The following TSBP1 variants were observed in gnomAD, a reference collection of about 807,000 sequenced individuals.
TSBP1 encodes testis expressed basic protein 1.
In TSBP1, 56 loss-of-function variants were observed where a neutral mutation model predicts 68.8. The observed-to-expected ratio is 0.81, with a 90% confidence interval of 0.66 to 1.02. The LOEUF is 1.02. TSBP1 is among the 50% of genes least tolerant of loss of function. TSBP1 has a pLI of 0.00. For missense variants in TSBP1, 502 were observed against 641.2 expected, an observed-to-expected ratio of 0.78 and a Z score of 2.34; for synonymous variants, 171 against 208.7, an observed-to-expected ratio of 0.82 and a Z score of 1.56.
In TSBP1 at chr6:32,306,545, G is replaced by A. The variant is rs1005310420; in HGVS notation, c.581-3916C>T. Among the ~76,000 whole-genome samples, 2 of 152,168 alleles carry A rather than the reference G, an allele frequency of 1.3e-5. No homozygotes were observed. The highest frequency in any genetic ancestry group is 2.9e-5 in the Non-Finnish European group (2 of 68,036). ...ATGTCTGGCTTTTCAGCTGCAAGCA[G>A]CCAAACCTGGGTTTGGTTACTTACA... On this transcript the variant is annotated intron_variant, in intron 19 of 22. Transcript: ENST00000612031. The surrounding 1 kb of genome is among the most constrained non-coding windows in gnomAD (Gnocchi z 5.1).
In TSBP1 at chr6:32,314,902, A is replaced by C. The variant is rs1322948025; in HGVS notation, c.580+870T>G. Among the ~76,000 whole-genome samples, 1 of 152,220 alleles carries C rather than the reference A, an allele frequency of 6.6e-6. No individual in the cohort carries two copies. Among genetic ancestry groups the C allele is most frequent in the African/African-American group, 2.4e-5 (1 of 41,446 alleles). On this transcript the variant is annotated intron_variant, in intron 19 of 22. Coordinates refer to ENST00000612031, the Ensembl canonical transcript of TSBP1. The surrounding 1 kb of genome is among the most constrained non-coding windows in gnomAD (Gnocchi z 4.2). ...AAGAGGTTGGCTGGAGCTGGGCAGCAGCTACCTTCTTCAGACTATGCGTGT... is the reference window on the plus strand; with the variant it reads ...AAGAGGTTGGCTGGAGCTGGGCAGCCGCTACCTTCTTCAGACTATGCGTGT...
rs2127660112 is a variant in TSBP1, at chr6:32,365,943, T to G, written c.217+224A>C. Reference sequence around the variant, plus strand: ...ATGCCTTTCTCTCATATTACTTTTGTTAAATAATTAGGAGTTGGATAGGAG... The same window carrying G: ...ATGCCTTTCTCTCATATTACTTTTGGTAAATAATTAGGAGTTGGATAGGAG... On this transcript the variant is annotated intron_variant, in intron 6 of 22. Coordinates refer to ENST00000612031, the Ensembl canonical transcript of TSBP1. The surrounding 1 kb of genome is among the most constrained non-coding windows in gnomAD (Gnocchi z 4.3). 1.5e-6 allele frequency: 1 copy of G among 671,642 alleles called. No individual in the cohort carries two copies. Among genetic ancestry groups the G allele is most frequent in the Non-Finnish European group, 2.7e-6 (1 of 372,132 alleles). The allele number at this position is 671,642 out of a possible 1,614,324, so 41.6% of individuals were successfully genotyped here.
At chr6:32,330,033 C>T (rs1768753634) in intron 16 of TSBP1, among the ~76,000 whole-genome samples, 1 of 151,800 alleles carries the variant, frequency 6.6e-6, no homozygotes, top group African/African-American at 2.4e-5. Flanking sequence ...CTTTGTCGTG[C>T]GTGTGTGTGC....
In TSBP1 at chr6:32,335,979, AC is replaced by A; in HGVS notation, c.431-48del. On this transcript the variant is annotated intron_variant, in intron 12 of 22. Transcript: ENST00000612031. This position sits in a 1 kb window ranked among gnomAD's most constrained non-coding sequence, Gnocchi z 5.5. ...AAAGAAAAAGATATCAGTATGCTTCACCACTGTGAAGGAAATTTCCATTTCC... is the reference window on the plus strand; with the variant it reads ...AAAGAAAAAGATATCAGTATGCTTCACACTGTGAAGGAAATTTCCATTTCC... 1 of 1,529,388 alleles carries A rather than the reference AC, an allele frequency of 6.5e-7. No individual in the cohort carries two copies. Among genetic ancestry groups the A allele is most frequent in the African/African-American group, 1.4e-5 (1 of 73,654 alleles). 94.7% of individuals were successfully genotyped at this position (1,529,388 alleles called of 1,614,324 possible).
rs116928325 is a variant in TSBP1, at chr6:32,309,850, T to A, written c.580+5922A>T. 6.6e-3 allele frequency among the ~76,000 whole-genome samples: 1,004 copies of A among 152,334 alleles called. 5 individuals are homozygous for A. The highest frequency in any genetic ancestry group is 0.024 in the Middle Eastern group (7 of 294). ...ATCAAATATTAGATCTTATCCATTCTATCTAACTATTTTTGTACCTATTAA... is the reference window on the plus strand; with the variant it reads ...ATCAAATATTAGATCTTATCCATTCAATCTAACTATTTTTGTACCTATTAA... On this transcript the variant is annotated intron_variant, in intron 19 of 22. Coordinates refer to ENST00000612031, the Ensembl canonical transcript of TSBP1.
rs1467834305 is a variant in TSBP1, at chr6:32,333,297, G to A, written c.473-1243C>T. Among the ~76,000 whole-genome samples the A allele has an allele frequency of 2.0e-5, 3 of 151,990 alleles. No homozygotes were observed. The highest frequency in any genetic ancestry group is 4.8e-5 in the African/African-American group (2 of 41,380). ...AGTGCTGGGATTACTGCACCCAGCC[G>A]AAAGCCTGTTATGTTATTTAGCAAC... On this transcript the variant is annotated intron_variant, in intron 14 of 22. Transcript: ENST00000612031. This position sits in a 1 kb window ranked among gnomAD's most constrained non-coding sequence, Gnocchi z 4.2.
chr6:32,308,168 CTTA>C (rs958988887), intron 19 of TSBP1, among the ~76,000 whole-genome samples: 2 of 151,880 alleles, frequency 1.3e-5, no homozygotes, highest in African/African-American at 2.4e-5. Flanking sequence ...AGCTATTTTT[CTTA>C]TTTTTTTATA....
At chr6:32,327,968 T>A (rs868628493) in intron 16 of TSBP1, among the ~76,000 whole-genome samples, 12 of 150,846 alleles carry the variant, frequency 8.0e-5, no homozygotes, top group South Asian at 2.1e-4. Context: ...ATTATTATTT[T>A]TTTTTTTTTG....
chr6:32,318,694 C>T (rs1287701181), intron 18 of TSBP1, among the ~76,000 whole-genome samples: 2 of 152,096 alleles, frequency 1.3e-5, no homozygotes, highest in African/African-American at 2.4e-5. Flanking sequence ...TCCAGAACAG[C>T]TGAATCTATA....
intron 8 of TSBP1, among the ~76,000 whole-genome samples, chr6:32,354,229 G>T (rs1198414853): frequency 6.6e-6 from 1 of 151,782 alleles, no homozygotes; most frequent in Non-Finnish European, 1.5e-5. Flanking sequence ...TAATAATAAA[G>T]AATTACTACA....
rs1366211371 is a variant in TSBP1, at chr6:32,333,301, GCC to G, written c.473-1249_473-1248del. ...CTGGGATTACTGCACCCAGCCGAAA[GCC>G]TGTTATGTTATTTAGCAACACTGCT... is the stretch of plus-strand genomic sequence containing the variant. On this transcript the variant is annotated intron_variant, in intron 14 of 22. Coordinates refer to ENST00000612031, the Ensembl canonical transcript of TSBP1. This position sits in a 1 kb window ranked among gnomAD's most constrained non-coding sequence, Gnocchi z 4.2. 3.1e-4 allele frequency among the ~76,000 whole-genome samples: 47 copies of G among 152,188 alleles called. 1 individual carries two copies. The highest frequency in any genetic ancestry group is 1.1e-3 in the African/African-American group (46 of 41,534).
At chr6:32,360,382 TTGTGTG>T (rs9279600) in intron 6 of TSBP1, among the ~76,000 whole-genome samples, 49 of 150,928 alleles carry the variant, frequency 3.2e-4, no homozygotes, top group Non-Finnish European at 5.2e-4. Flanking sequence ...TAATATTTCA[TTGTGTG>T]TGTGTGTGTG....
In TSBP1 at chr6:32,333,675, C is replaced by G. The variant is rs9380290; in HGVS notation, c.473-1621G>C. On this transcript the variant is annotated intron_variant, in intron 14 of 22. Coordinates refer to ENST00000612031, the Ensembl canonical transcript of TSBP1. The surrounding 1 kb of genome is among the most constrained non-coding windows in gnomAD (Gnocchi z 4.2). Reference sequence around the variant, plus strand: ...CCCTTGCTGGCAAACTGTGCTTCCTCCCTTAGGTCCTACTGAGTAGACTGT... The same window carrying G: ...CCCTTGCTGGCAAACTGTGCTTCCTGCCTTAGGTCCTACTGAGTAGACTGT... 0.34 allele frequency among the ~76,000 whole-genome samples: 52,219 copies of G among 152,054 alleles called. 10,071 individuals are homozygous for G. The highest frequency in any genetic ancestry group is 0.52 in the Middle Eastern group (154 of 294).
chr6:32,351,262 T>A (rs1268215420), intron 8 of TSBP1, among the ~76,000 whole-genome samples: 1 of 152,168 alleles, frequency 6.6e-6, no homozygotes, highest in Non-Finnish European at 1.5e-5. Context: ...CCACTCATGA[T>A]CTTCAAGCTT....
chr6:32,326,006 G>T, intron 16 of TSBP1: 2 of 1,540,792 alleles, frequency 1.3e-6, no homozygotes, highest in South Asian at 2.2e-5. Context: ...AATGATTTTG[G>T]CAATTACAAC....
chr6:32,367,919 A>C lies in TSBP1; in HGVS notation c.166+6T>G, dbSNP rs776681352. ...TTAACTGTCTAGTAGTTCCTAATCT[A>C]TTTACCTCTACCATCCTCATAGTCC... On this transcript the variant is annotated splice_donor_region_variant and intron_variant, in intron 4 of 22. Transcript: ENST00000612031. 1.1e-5 allele frequency: 17 copies of C among 1,605,516 alleles called. No homozygotes were observed. The Admixed American group carries it at 2.8e-4, about 27-fold the overall frequency.
chr6:32,349,894 A>G (rs889336546), intron 8 of TSBP1, 134 bp from the exon 9 acceptor site: 14 of 952,614 alleles, frequency 1.5e-5, no homozygotes, highest in Non-Finnish European at 2.1e-5. Flanking sequence ...CCTGGTATCA[A>G]TTGCAATGCA....
chr6:32,349,795 T>C, exon 9 of TSBP1: 1 of 1,610,256 alleles, frequency 6.2e-7, no homozygotes, highest in Non-Finnish European at 8.5e-7. Flanking sequence ...GAATGAGTTC[T>C]GTTTGTCCCA....
intron 19 of TSBP1, among the ~76,000 whole-genome samples, chr6:32,307,938 G>A (rs1451319453): frequency 2.0e-5 from 3 of 151,854 alleles, no homozygotes; most frequent in South Asian, 4.2e-4. Flanking sequence ...ACCATGCCTG[G>A]CTAATTTTGT....
Sources: gnomAD v4.1 joint callset for allele counts (sites outside exome capture counted in the v4.1 genomes callset) on GRCh38, gnomAD v4.1.1 for gene constraint, Gnocchi (gnomAD v3.1) non-coding constraint, MANE v1.5 for transcripts, NCBI Gene and HGNC (gene_info 2026-07-23, HGNC 2026-07-21) for gene names.